NRG1: variants seen among roughly 807,000 people sequenced by gnomAD.
NRG1 encodes the protein pro-neuregulin-1, membrane-bound isoform.
In NRG1, 18 loss-of-function variants were observed where a neutral mutation model predicts 63.8. The observed-to-expected ratio is 0.28, with a 90% CI of 0.19 to 0.42. NRG1 has a LOEUF of 0.42. NRG1 is among the 10% of genes least tolerant of loss of function. The probability of loss-of-function intolerance (pLI) is 1.00; values close to 1 mark genes in which losing one functional copy is unlikely to be tolerated. For missense variants in NRG1, 762 were observed against 814.7 expected (o/e 0.94, Z 0.79); for synonymous variants, 302 against 301.3 (o/e 1.00, Z -0.02).
chr8:32,624,225 C>T (rs911691331), intron 5 of NRG1, among the ~76,000 whole-genome samples: 4 of 152,082 alleles, frequency 2.6e-5, no homozygotes, highest in Non-Finnish European at 5.9e-5. Context: ...TCTGATTGGC[C>T]CTGATTGCAT....
chr8:32,288,874 T>C (rs1028393748), intron 1 of NRG1, among the ~76,000 whole-genome samples: 3 of 152,184 alleles, frequency 2.0e-5, no homozygotes, highest in African/African-American at 4.8e-5. Context: ...TTGATTTTTT[T>C]CATAATGAGC....
At chr8:32,580,457 C>T (rs1840438073) in intron 1 of NRG1, among the ~76,000 whole-genome samples, 1 of 152,186 alleles carries the variant, frequency 6.6e-6, no homozygotes, top group Non-Finnish European at 1.5e-5. Flanking sequence ...AGAAGAATAG[C>T]TACCAACATT....
intron 1 of NRG1, among the ~76,000 whole-genome samples, chr8:32,169,183 AC>A (rs1839729132): frequency 6.6e-6 from 1 of 152,154 alleles, no homozygotes; most frequent in Non-Finnish European, 1.5e-5. Flanking sequence ...GGTACCTGAA[AC>A]TTGGTAGACT....
At chr8:32,757,076 G>A (rs1829818138) in intron 9 of NRG1, among the ~76,000 whole-genome samples, 1 of 152,132 alleles carries the variant, frequency 6.6e-6, no homozygotes, top group East Asian at 1.9e-4. Context: ...AGAGTGTCAT[G>A]CCAGCTTCTT....
chr8:32,267,653 A>G (rs1205016979), intron 1 of NRG1, among the ~76,000 whole-genome samples: 1 of 152,344 alleles, frequency 6.6e-6, no homozygotes, highest in South Asian at 2.1e-4. Context: ...ACAGAATTAC[A>G]TCAGGTACAT....
intron 1 of NRG1, among the ~76,000 whole-genome samples, chr8:32,062,592 T>G (rs1824068884): frequency 6.6e-6 from 1 of 152,056 alleles, no homozygotes; most frequent in Non-Finnish European, 1.5e-5. Context: ...CTTCCTGCAT[T>G]TTTTCAAGTA....
intron 3 of NRG1, among the ~76,000 whole-genome samples, chr8:32,609,390 A>G (rs1195667490): frequency 6.6e-6 from 1 of 152,070 alleles, no homozygotes; most frequent in African/African-American, 2.4e-5. Flanking sequence ...CTCCCTAGGA[A>G]TCAGGGCAGA....
At chr8:31,984,594 T>G (rs1364306443) in intron 1 of NRG1, among the ~76,000 whole-genome samples, 1 of 152,054 alleles carries the variant, frequency 6.6e-6, no homozygotes, top group Non-Finnish European at 1.5e-5. Context: ...AGAGAATGCT[T>G]GTGTTTGGTC....
intron 1 of NRG1, among the ~76,000 whole-genome samples, chr8:32,062,397 G>A (rs1308888724): frequency 1.3e-5 from 2 of 151,994 alleles, no homozygotes; most frequent in Non-Finnish European, 2.9e-5. Flanking sequence ...CGTCAGAGTT[G>A]GGGGGAACTA....
At position 32,748,358 on chromosome 8, in the gene NRG1, C is replaced by CACAGAGAGAGAG. The variant is rs748763782; in HGVS notation, c.691+5626_691+5627insCAGAGAGAGAGA. ...GCGCGCGCACACACACACACACACA[C>CACAGAGAGAGAG]AGAGAGAGAGAGAGAGAGAGAGAGA... On this transcript the variant is annotated intron_variant, in intron 7 of 11. Transcript: ENST00000356819. Among the ~76,000 whole-genome samples, 888 of 121,976 alleles carry CACAGAGAGAGAG rather than the reference C, an allele frequency of 7.3e-3. 12 individuals are homozygous for CACAGAGAGAGAG. Among genetic ancestry groups the CACAGAGAGAGAG allele is most frequent in the South Asian group, 0.015 (49 of 3,236 alleles). 80.0% of individuals were successfully genotyped at this position (121,976 alleles called of 152,430 possible). A position where few individuals can be genotyped will look rare whatever the true frequency, so the allele number is the denominator to read the frequency against.
At chr8:31,716,613 C>G (rs549809699) in intron 1 of NRG1, among the ~76,000 whole-genome samples, 13 of 152,318 alleles carry the variant, frequency 8.5e-5, no homozygotes, top group Admixed American at 8.5e-4. Context: ...CAATCCTTAT[C>G]TTAATAACAT....
At chr8:31,728,389 C>A (rs1038247662) in intron 1 of NRG1, among the ~76,000 whole-genome samples, 7 of 151,988 alleles carry the variant, frequency 4.6e-5, no homozygotes, top group Non-Finnish European at 1.0e-4. Context: ...GCTTGAACCC[C>A]GGAGGCAGAG....
chr8:32,474,578 C>T (rs1017483095), intron 1 of NRG1, among the ~76,000 whole-genome samples: 12 of 151,836 alleles, frequency 7.9e-5, no homozygotes, highest in East Asian at 3.9e-4. Context: ...CTGCAACCTC[C>T]GCCTCCCAGG....
intron 1 of NRG1, among the ~76,000 whole-genome samples, chr8:31,760,044 C>G (rs1407867333): frequency 3.3e-5 from 5 of 152,070 alleles, no homozygotes; most frequent in African/African-American, 1.2e-4. Flanking sequence ...CCTCTGATAT[C>G]CTGAACCCCT....
chr8:32,627,510 A>G (rs1444532052), intron 5 of NRG1, among the ~76,000 whole-genome samples: 2 of 152,166 alleles, frequency 1.3e-5, no homozygotes, highest in Non-Finnish European at 2.9e-5. Context: ...AGGTCTTACT[A>G]TGTTGCCCAG....
intron 1 of NRG1, among the ~76,000 whole-genome samples, chr8:32,485,265 C>T (rs116541097): frequency 1.6e-3 from 247 of 152,218 alleles, no homozygotes; most frequent in African/African-American, 5.8e-3. Context: ...TAGTACCACG[C>T]CCAGCTAATT....
At chr8:32,003,149 C>T (rs1308911835) in intron 1 of NRG1, among the ~76,000 whole-genome samples, 1 of 151,986 alleles carries the variant, frequency 6.6e-6, no homozygotes, top group Non-Finnish European at 1.5e-5. Context: ...TTGTAGTGTA[C>T]ATTTGTGATA....
intron 1 of NRG1, among the ~76,000 whole-genome samples, chr8:32,159,814 T>A (rs1428159732): frequency 2.6e-5 from 4 of 152,126 alleles, no homozygotes; most frequent in Non-Finnish European, 4.4e-5. Flanking sequence ...TATATTATAA[T>A]TATGATTCAA....
intron 1 of NRG1, among the ~76,000 whole-genome samples, chr8:32,228,209 G>A (rs1229265056): frequency 1.3e-5 from 2 of 152,136 alleles, no homozygotes; most frequent in Admixed American, 1.3e-4. Context: ...GCTGAGTAAA[G>A]AATAGAATGA....
Sources: gnomAD v4.1 joint callset for allele counts (sites outside exome capture counted in the v4.1 genomes callset) on GRCh38, gnomAD v4.1.1 for gene constraint, MANE v1.5 for transcripts, NCBI Gene and HGNC (gene_info 2026-07-23, HGNC 2026-07-21) for gene names.